The following SBK1 variants were observed in gnomAD, a reference collection of about 807,000 sequenced individuals.
SBK1 encodes the protein serine/threonine-protein kinase SBK1.
SBK1 carries 11 observed loss-of-function variants against 24.4 expected under a neutral mutation model. The observed-to-expected ratio is 0.45, with a 90% CI of 0.28 to 0.75. SBK1 has a LOEUF of 0.75. Ranked by LOEUF, SBK1 falls within the 30% of genes least tolerant of loss-of-function variation. The probability of loss-of-function intolerance (pLI) is 0.12; values close to 1 mark genes in which losing one functional copy is unlikely to be tolerated. For synonymous variants in SBK1, 308 were observed against 284.4 expected (o/e 1.08, Z -0.83); for missense variants, 467 against 620.5 (o/e 0.75, Z 2.63).
intron 1 of SBK1, among the ~76,000 whole-genome samples, chr16:28,303,523 T>C (rs1459139900): frequency 1.5e-5 from 2 of 136,052 alleles, no homozygotes; most frequent in Non-Finnish European, 3.2e-5. Context: ...TTTTTTTTTT[T>C]TTTTTTTTTG....
intron 1 of SBK1, among the ~76,000 whole-genome samples, chr16:28,300,399 A>G (rs1429304949): frequency 6.6e-6 from 1 of 151,846 alleles, no homozygotes; most frequent in Non-Finnish European, 1.5e-5. Flanking sequence ...AGCTCATGGC[A>G]CTTTTGGCCT....
At chr16:28,296,188 G>A (rs373057801) in intron 1 of SBK1, among the ~76,000 whole-genome samples, 23 of 150,766 alleles carry the variant, frequency 1.5e-4, no homozygotes, top group African/African-American at 4.9e-4. Context: ...TCCACCTCCC[G>A]GGTTCAAGCA....
chr16:28,306,478 G>A (rs2044717495), intron 1 of SBK1, among the ~76,000 whole-genome samples: 1 of 152,218 alleles, frequency 6.6e-6, no homozygotes, highest in Admixed American at 6.5e-5. Flanking sequence ...GCACTGTGCG[G>A]GGTGTTGGCA....
chr16:28,302,371 G>A (rs565179000), intron 1 of SBK1, among the ~76,000 whole-genome samples: 4 of 152,328 alleles, frequency 2.6e-5, no homozygotes, highest in Admixed American at 1.3e-4. Context: ...GGTGAAGGTC[G>A]GGGACATCCT....
intron 1 of SBK1, among the ~76,000 whole-genome samples, chr16:28,300,848 TG>T (rs1708575051): frequency 6.6e-6 from 1 of 152,232 alleles, no homozygotes; most frequent in Non-Finnish European, 1.5e-5. Context: ...AGACGGTAAG[TG>T]GCAGATCCAA....
intron 1 of SBK1, among the ~76,000 whole-genome samples, chr16:28,314,049 G>T (rs1197822655): frequency 6.8e-6 from 1 of 147,336 alleles, no homozygotes; most frequent in Admixed American, 7.2e-5. Flanking sequence ...AGCACTTACT[G>T]CATGCCACAT....
At chr16:28,273,000 A>T (rs1180918399) in intron 1 of SBK1, among the ~76,000 whole-genome samples, 2 of 151,978 alleles carry the variant, frequency 1.3e-5, no homozygotes, top group Non-Finnish European at 2.9e-5. Context: ...CATTCAACCC[A>T]TTTGGGTTAT....
intron 1 of SBK1, among the ~76,000 whole-genome samples, chr16:28,280,495 C>G (rs1259784151): frequency 6.7e-6 from 1 of 150,060 alleles, no homozygotes; most frequent in African/African-American, 2.5e-5. Context: ...ACGCCCAGCC[C>G]AGGACTCAAT....
In SBK1 at chr16:28,259,337, C is replaced by A; in HGVS notation, c.92C>A (p.Ala31Asp). ...CCTGGCTCGGGGACTCCTGCCCAGGCTGGCGATGATGCTGCGGAGGCCACC... is the reference window on the plus strand; with the variant it reads ...CCTGGCTCGGGGACTCCTGCCCAGGATGGCGATGATGCTGCGGAGGCCACC... Residue 31 changes from alanine to aspartate, a missense_variant, in exon 1 of 4, where the codon GCT becomes GAT. Ala to Asp is a moderately radical substitution (Grantham distance 126). Transcript: ENST00000671413. This position sits in a 1 kb window ranked among gnomAD's most constrained non-coding sequence, Gnocchi z 6.0. The A allele has an allele frequency of 2.3e-6, 1 of 437,168 alleles. No individual in the cohort carries two copies. The highest frequency in any genetic ancestry group is 3.0e-6 in the Non-Finnish European group (1 of 329,072). 27.1% of individuals were successfully genotyped at this position (437,168 alleles called of 1,614,324 possible). A position where few individuals can be genotyped will look rare whatever the true frequency, so the allele number is the denominator to read the frequency against.
chr16:28,284,207 GGTCA>G (rs2044551239), intron 1 of SBK1, among the ~76,000 whole-genome samples: 1 of 152,214 alleles, frequency 6.6e-6, no homozygotes, highest in Admixed American at 6.5e-5. Context: ...CTTGTCTCAG[GGTCA>G]GTTTCTGGGA....
chr16:28,269,038 T>G (rs1394506624), intron 1 of SBK1, among the ~76,000 whole-genome samples: 1 of 149,900 alleles, frequency 6.7e-6, no homozygotes, highest in Non-Finnish European at 1.5e-5. Context: ...TTTCCTTTTT[T>G]TTTTTTTTTT....
chr16:28,303,507 CTTTTTTTTT>C lies in SBK1; in HGVS notation c.-8+10224_-8+10232del, dbSNP rs143613970. On this transcript the variant is annotated intron_variant, in intron 1 of 3. Coordinates refer to ENST00000341901, the MANE Select transcript of SBK1 (RefSeq NM_001024401.3). ...TTTTCTTTTTCTTTTCTTTTCTTTT[CTTTTTTTTT>C]TTTTTTTTTTTTTTTTGAGACAGGG... Among the ~76,000 whole-genome samples, 9 of 58,120 alleles carry C rather than the reference CTTTTTTTTT, an allele frequency of 1.5e-4. No individual in the cohort carries two copies. The South Asian group carries it at 4.6e-3, about 30-fold the overall frequency. 38.1% of individuals were successfully genotyped at this position (58,120 alleles called of 152,430 possible). A position where few individuals can be genotyped will look rare whatever the true frequency, so the allele number is the denominator to read the frequency against.
At chr16:28,303,573 G>A (rs2044695390) in intron 1 of SBK1, among the ~76,000 whole-genome samples, 1 of 130,958 alleles carries the variant, frequency 7.6e-6, no homozygotes, top group Non-Finnish European at 1.5e-5. Context: ...GGAGTGCAGT[G>A]GTGCAATCAT....
Position 28,292,540 on chromosome 16 carries a change from C to T in SBK1, c.-768C>T, listed in dbSNP as rs1415112500. On this transcript the variant is annotated 5_prime_UTR_variant, in exon 1 of 4. Transcript: ENST00000341901. ...GCGGAGCCGCGATGCCGCGATGGAG[C>T]GCAGCCCGGGCGGGCGCCGGGGCCG... 2.3e-4 allele frequency: 223 copies of T among 978,736 alleles called. No homozygotes were observed. Among genetic ancestry groups the T allele is most frequent in the Non-Finnish European group, 2.6e-4 (213 of 827,124 alleles). 60.6% of individuals were successfully genotyped at this position (978,736 alleles called of 1,614,324 possible).
chr16:28,305,680 T>C (rs1166476104), intron 1 of SBK1, among the ~76,000 whole-genome samples: 1 of 151,856 alleles, frequency 6.6e-6, no homozygotes, highest in Non-Finnish European at 1.5e-5. Context: ...TACAGGCGCC[T>C]GCCACCACAC....
At position 28,292,833 on chromosome 16, in the gene SBK1, CG is replaced by C. The variant is rs2093685600; in HGVS notation, c.-471del. On this transcript the variant is annotated 5_prime_UTR_variant, in exon 1 of 4. Transcript: ENST00000341901. Reference sequence around the variant, plus strand: ...GATCCGACACCGAGCGACTCCCCTGCGGGGAAAGCGGAGACTTCCTCGGTAT... The same window carrying C: ...GATCCGACACCGAGCGACTCCCCTGCGGGAAAGCGGAGACTTCCTCGGTAT... The C allele has an allele frequency of 8.1e-6, 8 of 984,800 alleles. No homozygotes were observed. The highest frequency in any genetic ancestry group is 9.6e-6 in the Non-Finnish European group (8 of 829,342). The allele number at this position is 984,800 out of a possible 1,614,324, so 61.0% of individuals were successfully genotyped here. A position where few individuals can be genotyped will look rare whatever the true frequency, so the allele number is the denominator to read the frequency against.
Position 28,320,892 on chromosome 16 carries a change from C to T in SBK1, c.1246C>T (p.Leu416=). ...RADKSKGQVV[L]ATAIEICV is the part of the protein sequence containing the mutation. The stretch of plus-strand genomic sequence containing the variant: ...GGACAAGAGCAAAGGGCAGGTGGTG[C>T]TGGCCACGGCCATCGAGATCTGCGT... Residue 416 remains leucine, a synonymous_variant, in exon 4 of 4, where the codon CTG becomes TTG. Coordinates refer to ENST00000341901, the MANE Select transcript of SBK1 (RefSeq NM_001024401.3). The surrounding 1 kb of genome is among the most constrained non-coding windows in gnomAD (Gnocchi z 8.5). The T allele has an allele frequency of 3.3e-6, 5 of 1,500,014 alleles. No homozygotes were observed. Among genetic ancestry groups the T allele is most frequent in the Non-Finnish European group, 8.9e-7 (1 of 1,129,712 alleles). 92.9% of individuals were successfully genotyped at this position (1,500,014 alleles called of 1,614,324 possible).
intron 1 of SBK1, among the ~76,000 whole-genome samples, chr16:28,267,060 C>T (rs1199477023): frequency 1.3e-5 from 2 of 152,008 alleles, no homozygotes; most frequent in Non-Finnish European, 2.9e-5. Flanking sequence ...GTGTGCACCA[C>T]CACACCTGGC....
At chr16:28,282,662 C>T (rs1424468410) in intron 1 of SBK1, among the ~76,000 whole-genome samples, 1 of 27,372 alleles carries the variant, frequency 3.7e-5, no homozygotes, top group African/African-American at 8.8e-5. Context: ...TGCCTTGGCC[C>T]AGAGGTTCCT....
Sources: gnomAD v4.1 joint callset for allele counts (sites outside exome capture counted in the v4.1 genomes callset) on GRCh38, gnomAD v4.1.1 for gene constraint, Gnocchi (gnomAD v3.1) non-coding constraint, MANE v1.5 for transcripts, NCBI Gene and HGNC (gene_info 2026-07-23, HGNC 2026-07-21) for gene names.